The following SOX5 variants were observed in gnomAD, a reference collection of about 807,000 sequenced individuals.
The protein encoded by SOX5 is transcription factor SOX-5.
SOX5 carries 9 observed loss-of-function variants against 92.0 expected under a neutral mutation model. The ratio of observed to expected loss-of-function variants is 0.10; its 90% CI spans 0.06 to 0.17. The LOEUF (loss-of-function observed/expected upper bound fraction) is 0.17. Ranked by LOEUF, SOX5 falls within the 10% of genes least tolerant of loss-of-function variation. The pLI, the probability that SOX5 is intolerant of heterozygous loss-of-function variation, is 1.00. For synonymous variants in SOX5, 344 were observed against 336.3 expected (o/e 1.02, Z -0.25); for missense variants, 642 against 944.5 (o/e 0.68, Z 4.20).
intron 9 of SOX5, among the ~76,000 whole-genome samples, chr12:23,596,605 G>A (rs1952499456): frequency 6.6e-6 from 1 of 152,152 alleles, no homozygotes; most frequent in Admixed American, 6.5e-5. Context: ...ATTATTGACA[G>A]CTCCAAAGGA....
intron 3 of SOX5, among the ~76,000 whole-genome samples, chr12:24,219,576 TAA>T (rs1959902918): frequency 1.3e-5 from 2 of 152,200 alleles, no homozygotes; most frequent in East Asian, 1.9e-4. Flanking sequence ...CTACATAACC[TAA>T]GAGACTCACA....
chr12:24,305,759 G>T (rs1307688638), intron 2 of SOX5, among the ~76,000 whole-genome samples: 1 of 152,058 alleles, frequency 6.6e-6, no homozygotes, highest in East Asian at 1.9e-4. Context: ...CGCCACGCCT[G>T]GCTAATTTTT....
intron 6 of SOX5, among the ~76,000 whole-genome samples, chr12:23,720,673 A>C: frequency 6.6e-6 from 1 of 152,208 alleles, no homozygotes; most frequent in Non-Finnish European, 1.5e-5. Context: ...AGTTTTTTAT[A>C]TGTACCTTCC....
intron 8 of SOX5, among the ~76,000 whole-genome samples, chr12:23,632,352 T>C (rs1212560218): frequency 6.6e-6 from 1 of 152,154 alleles, no homozygotes; most frequent in Non-Finnish European, 1.5e-5. Context: ...TGTATGAAAA[T>C]GATACGACCT....
At chr12:23,949,818 C>CTG (rs777690316), upstream of SOX5, 6 of 564,274 alleles carry the variant, frequency 1.1e-5, no homozygotes, top group Non-Finnish European at 1.5e-5. Context: ...TTCCCCTCCT[C>CTG]TCTCTCCTAG....
At chr12:23,931,332 T>A (rs762485975) in intron 1 of SOX5, among the ~76,000 whole-genome samples, 5 of 151,724 alleles carry the variant, frequency 3.3e-5, no homozygotes, top group Non-Finnish European at 7.4e-5. Context: ...ATTTTACATA[T>A]GAGGAAGATG....
intron 1 of SOX5, among the ~76,000 whole-genome samples, chr12:24,553,442 A>G (rs1233391874): frequency 6.6e-6 from 1 of 152,150 alleles, no homozygotes; most frequent in African/African-American, 2.4e-5. Context: ...CTACTTCCCC[A>G]TCGTGCAGGG....
At position 23,882,789 on chromosome 12, in the gene SOX5, A is replaced by G. The variant is rs74695052; in HGVS notation, c.270+13004T>C. On this transcript the variant is annotated intron_variant, in intron 2 of 14. Transcript: ENST00000451604. ...TTTAAATAAGGAAAATTACAATTAA[A>G]GTGTCTTCCGTGCACACAGGCTTTG... is the stretch of plus-strand genomic sequence containing the variant. Among the ~76,000 whole-genome samples the G allele has an allele frequency of 4.8e-3, 738 of 152,338 alleles. 3 individuals are homozygous for G. The highest frequency in any genetic ancestry group is 6.8e-3 in the Middle Eastern group (2 of 294).
At chr12:23,998,726 C>T (rs550026980) in intron 4 of SOX5, among the ~76,000 whole-genome samples, 30 of 133,784 alleles carry the variant, frequency 2.2e-4, no homozygotes, top group African/African-American at 7.3e-4. Context: ...CCTTGAACCT[C>T]GGAGGCGGAG....
At chr12:23,758,008 C>CAAAAA (rs34841595) in intron 3 of SOX5, among the ~76,000 whole-genome samples, 7 of 68,244 alleles carry the variant, frequency 1.0e-4, no homozygotes, top group East Asian at 5.3e-4. Flanking sequence ...GCACACACTA[C>CAAAAA]AAAAAAAAAA....
chr12:23,954,406 T>C (rs1011392356), upstream of SOX5, among the ~76,000 whole-genome samples: 3 of 151,822 alleles, frequency 2.0e-5, no homozygotes, highest in Admixed American at 1.3e-4. Context: ...TGCTGTTATT[T>C]ACTTTGTCAC....
rs148593886 is a variant in SOX5, at chr12:23,570,910, CAAAAAAA to C, written c.1342+4744_1342+4750del. On this transcript the variant is annotated intron_variant, in intron 10 of 14. Transcript: ENST00000451604. ...TGGGCTACAGAGCAAGACTCCAACT[CAAAAAAA>C]AAAAAAAAAAAAAATATATATATAT... 9.6e-3 allele frequency among the ~76,000 whole-genome samples: 78 copies of C among 8,142 alleles called. 1 individual carries two copies. Among genetic ancestry groups the C allele is most frequent in the African/African-American group, 0.023 (64 of 2,844 alleles). 5.3% of individuals were successfully genotyped at this position (8,142 alleles called of 152,430 possible). A position where few individuals can be genotyped will look rare whatever the true frequency, so the allele number is the denominator to read the frequency against.
intron 4 of SOX5, among the ~76,000 whole-genome samples, chr12:24,047,259 A>G (rs1957132335): frequency 6.6e-6 from 1 of 152,216 alleles, no homozygotes; most frequent in African/African-American, 2.4e-5. Flanking sequence ...CTAATCTAGA[A>G]ATATATTTTC....
intron 4 of SOX5, among the ~76,000 whole-genome samples, chr12:24,198,290 T>A (rs1160418272): frequency 2.0e-5 from 3 of 152,178 alleles, no homozygotes; most frequent in Non-Finnish European, 4.4e-5. Flanking sequence ...GGTTTAAATT[T>A]ATAGCATTCT....
chr12:24,095,090 A>AACACAC (rs150030739), intron 4 of SOX5, among the ~76,000 whole-genome samples: 1,496 of 131,564 alleles, frequency 0.011, 14 homozygotes, highest in African/African-American at 0.024. Context: ...CTAGCCCCGA[A>AACACAC]ACACACACAC....
intron 2 of SOX5, among the ~76,000 whole-genome samples, chr12:23,877,376 C>A (rs1296908362): frequency 1.3e-5 from 2 of 151,962 alleles, no homozygotes; most frequent in African/African-American, 2.4e-5. Flanking sequence ...TTACAGTTGC[C>A]ATTTTTGGAG....
chr12:23,586,441 G>A (rs1488642573), intron 9 of SOX5, among the ~76,000 whole-genome samples: 1 of 151,988 alleles, frequency 6.6e-6, no homozygotes, highest in African/African-American at 2.4e-5. Context: ...ATATCATTAT[G>A]ATTAATCTAA....
intron 2 of SOX5, among the ~76,000 whole-genome samples, chr12:23,885,478 G>A (rs2097053751): frequency 6.6e-6 from 1 of 152,092 alleles, no homozygotes; most frequent in Non-Finnish European, 1.5e-5. Flanking sequence ...TAAGAGCTAG[G>A]AAGAGACACT....
Position 24,482,924 on chromosome 12 carries a change from T to G in SOX5, c.-251+79405A>C, listed in dbSNP as rs531667540. Among the ~76,000 whole-genome samples, 8 of 152,354 alleles carry G rather than the reference T, an allele frequency of 5.3e-5. No homozygotes were observed. In the South Asian group the frequency reaches 1.7e-3, roughly 32 times the overall value. Reference sequence around the variant, plus strand: ...CAAGTCAAGTTTATATGCCTGTTACTTAGCATGTGGGTGTAAATATACAAA... The same window carrying G: ...CAAGTCAAGTTTATATGCCTGTTACGTAGCATGTGGGTGTAAATATACAAA... On this transcript the variant is annotated intron_variant, in intron 1 of 4. Coordinates refer to the SOX5 transcript ENST00000446891.
Sources: allele counts gnomAD v4.1 joint callset (sites outside exome capture counted in the v4.1 genomes callset), GRCh38; gene constraint gnomAD v4.1.1; transcripts MANE v1.5; gene names NCBI Gene and HGNC (gene_info 2026-07-23, HGNC 2026-07-21).